Variants in GALNT13 observed in about 807,000 individuals in gnomAD.
GALNT13 encodes UDP-GalNAc:polypeptide N-acetylgalactosaminyltransferase 13.
In GALNT13, 28 loss-of-function variants were observed where a neutral mutation model predicts 64.2. The ratio of observed to expected loss-of-function variants is 0.44; its 90% CI spans 0.32 to 0.60. The LOEUF (loss-of-function observed/expected upper bound fraction) is 0.60. GALNT13 is among the 20% of genes least tolerant of loss of function. GALNT13 has a pLI of 0.05. For missense variants in GALNT13, 577 were observed against 669.8 expected, an observed-to-expected ratio of 0.86 and a Z score of 1.53; for synonymous variants, 214 against 224.6, an observed-to-expected ratio of 0.95 and a Z score of 0.42.
At chr2:153,141,180 C>T in the GALNT13 span, among the ~76,000 whole-genome samples, 2 of 146,182 alleles carry the variant, frequency 1.4e-5, no homozygotes, top group African/African-American at 4.9e-5. Context: ...AGATTCATCC[C>T]TGTTGTAGCA....
chr2:153,715,608 C>T, the GALNT13 span, among the ~76,000 whole-genome samples: 1 of 152,328 alleles, frequency 6.6e-6, no homozygotes, highest in African/African-American at 2.4e-5. Flanking sequence ...TAGTCTTTGG[C>T]ATGTACTACT....
intron 2 of GALNT13, among the ~76,000 whole-genome samples, chr2:153,922,187 T>C (rs1689805751): frequency 6.6e-6 from 1 of 152,116 alleles, no homozygotes; most frequent in Non-Finnish European, 1.5e-5. Context: ...TTGTACTGAT[T>C]ATGGTTTTTT....
At chr2:154,133,842 T>A (rs910812376) in intron 3 of GALNT13, among the ~76,000 whole-genome samples, 5 of 151,954 alleles carry the variant, frequency 3.3e-5, no homozygotes, top group African/African-American at 1.2e-4. Context: ...AGACCCAAAA[T>A]TCTAATGGTT....
chr2:153,548,337 A>C, the GALNT13 span, among the ~76,000 whole-genome samples: 1 of 152,220 alleles, frequency 6.6e-6, no homozygotes, highest in Non-Finnish European at 1.5e-5. Context: ...ACTTGCCACT[A>C]CAGGCCAATA....
At chr2:153,789,634 A>G in the GALNT13 span, among the ~76,000 whole-genome samples, 3 of 152,200 alleles carry the variant, frequency 2.0e-5, no homozygotes, top group East Asian at 5.8e-4. Context: ...GTATTAAAAA[A>G]TTCACCAAAT....
intron 4 of GALNT13, among the ~76,000 whole-genome samples, chr2:154,232,886 A>G (rs958807183): frequency 4.0e-5 from 6 of 151,038 alleles, no homozygotes; most frequent in African/African-American, 1.5e-4. Flanking sequence ...AAAAAAAATT[A>G]CAAAAATAAG....
At chr2:154,098,934 C>T (rs779237687) in intron 3 of GALNT13, among the ~76,000 whole-genome samples, 1 of 151,618 alleles carries the variant, frequency 6.6e-6, no homozygotes, top group Non-Finnish European at 1.5e-5. Flanking sequence ...TGGGTAGATA[C>T]ACAGTAGTGG....
rs540954622 is a variant in GALNT13 at position 154,439,060 on chromosome 2, T to C, written c.1530+334T>C. ...ATGAAGATGTGCATACAGGATAATATTGACAATATGTCCATATTTTCAAAT... is the reference window on the plus strand; with the variant it reads ...ATGAAGATGTGCATACAGGATAATACTGACAATATGTCCATATTTTCAAAT... On this transcript the variant is annotated intron_variant, in intron 12 of 12. Transcript: ENST00000392825. Among the ~76,000 whole-genome samples, 3 of 152,302 alleles carry C rather than the reference T, an allele frequency of 2.0e-5. No individual in the cohort carries two copies. The East Asian group carries it at 5.8e-4, about 29-fold the overall frequency.
chr2:153,231,036 G>A, the GALNT13 span, among the ~76,000 whole-genome samples: 5 of 152,102 alleles, frequency 3.3e-5, no homozygotes, highest in Non-Finnish European at 7.4e-5. Context: ...TGGAGATATC[G>A]ATTAATGCTC....
At chr2:153,498,228 A>G in the GALNT13 span, among the ~76,000 whole-genome samples, 1 of 152,180 alleles carries the variant, frequency 6.6e-6, no homozygotes, top group African/African-American at 2.4e-5. Context: ...AATCTTTCAA[A>G]CGTTTTGTCT....
At chr2:153,466,948 T>G in the GALNT13 span, among the ~76,000 whole-genome samples, 3 of 152,014 alleles carry the variant, frequency 2.0e-5, no homozygotes. Context: ...GTGCTCAGAA[T>G]AGGGGAAATT....
the GALNT13 span, among the ~76,000 whole-genome samples, chr2:153,549,421 A>C: frequency 1.3e-5 from 2 of 152,194 alleles, no homozygotes; most frequent in Admixed American, 1.3e-4. Context: ...GTGATTCCTC[A>C]CCTCAAGAGG....
intron 4 of GALNT13, among the ~76,000 whole-genome samples, chr2:154,216,615 G>A (rs1688056242): frequency 6.6e-6 from 1 of 151,872 alleles, no homozygotes; most frequent in Non-Finnish European, 1.5e-5. Context: ...AATATTATAA[G>A]TTTACTTTTC....
chr2:154,105,539 C>G (rs529484370), intron 3 of GALNT13, among the ~76,000 whole-genome samples: 4 of 152,220 alleles, frequency 2.6e-5, no homozygotes, highest in African/African-American at 4.8e-5. Flanking sequence ...GTGTAGTAGT[C>G]TATCCCACCT....
At chr2:154,004,716 G>C (rs1360914442) in intron 3 of GALNT13, among the ~76,000 whole-genome samples, 1 of 152,106 alleles carries the variant, frequency 6.6e-6, no homozygotes, top group Non-Finnish European at 1.5e-5. Context: ...TGTTACCTCT[G>C]ATCTTTGAAG....
chr2:153,752,501 C>T, the GALNT13 span, among the ~76,000 whole-genome samples: 21 of 152,062 alleles, frequency 1.4e-4, no homozygotes, highest in Non-Finnish European at 2.6e-4. Context: ...AATATTTTCA[C>T]CAGATATACA....
intron 4 of GALNT13, among the ~76,000 whole-genome samples, chr2:154,200,759 T>A (rs1687128166): frequency 6.6e-6 from 1 of 152,134 alleles, no homozygotes; most frequent in African/African-American, 2.4e-5. Flanking sequence ...CACCTCTTGC[T>A]ACTATCACAT....
At chr2:153,973,142 T>A (rs6753996) in intron 3 of GALNT13, among the ~76,000 whole-genome samples, 1 of 151,704 alleles carries the variant, frequency 6.6e-6, no homozygotes, top group African/African-American at 2.4e-5. Flanking sequence ...AATAGAGATA[T>A]GAGGAAAGTA....
intron 3 of GALNT13, among the ~76,000 whole-genome samples, chr2:153,981,172 G>T (rs892795324): frequency 6.6e-6 from 1 of 151,560 alleles, no homozygotes; most frequent in Admixed American, 6.6e-5. Flanking sequence ...TGCTTATTTG[G>T]TCTCATGCAA....
Sources: allele counts gnomAD v4.1 joint callset (sites outside exome capture counted in the v4.1 genomes callset), GRCh38; gene constraint gnomAD v4.1.1; transcripts MANE v1.5; gene names NCBI Gene and HGNC (gene_info 2026-07-23, HGNC 2026-07-21).